The following PDE1C variants were observed in gnomAD, a reference collection of about 807,000 sequenced individuals.
PDE1C encodes the protein phosphodiesterase 1C.
Under a neutral mutation model 93.1 loss-of-function variants are expected in PDE1C, and 62 were observed. That is an observed-to-expected ratio of 0.67 (90% confidence interval 0.54 to 0.82). The LOEUF (loss-of-function observed/expected upper bound fraction) is 0.82, where lower values mean the gene tolerates loss of function less well. PDE1C is among the 40% of genes least tolerant of loss of function. PDE1C has a pLI of 0.00. For synonymous variants in PDE1C, 325 were observed against 310.1 expected (o/e 1.05, Z -0.50); for missense variants, 742 against 884.6 (o/e 0.84, Z 2.04).
At chr7:31,778,205 C>T (rs1401326735) in intron 16 of PDE1C, among the ~76,000 whole-genome samples, 3 of 152,202 alleles carry the variant, frequency 2.0e-5, no homozygotes, top group African/African-American at 7.2e-5. Context: ...TGCACAACCC[C>T]AGTGGATGCC....
At chr7:32,077,423 ATTATC>A (rs1796415828) in intron 3 of PDE1C, among the ~76,000 whole-genome samples, 1 of 152,198 alleles carries the variant, frequency 6.6e-6, no homozygotes, top group South Asian at 2.1e-4. Flanking sequence ...AAAAGCCTGT[ATTATC>A]TTGATAAATA....
At chr7:31,841,227 C>CTCTCTCTATATA (rs751320538) in intron 9 of PDE1C, among the ~76,000 whole-genome samples, 7,986 of 142,108 alleles carry the variant, frequency 0.056, 246 homozygotes, top group Admixed American at 0.068. Context: ...CTCTCTCTCT[C>CTCTCTCTATATA]TATATATATA....
chr7:31,929,020 G>T (rs1266645283), intron 2 of PDE1C, among the ~76,000 whole-genome samples: 3 of 151,988 alleles, frequency 2.0e-5, no homozygotes, highest in African/African-American at 7.3e-5. Flanking sequence ...ACCCATTGGT[G>T]TGCTGTATTC....
At chr7:31,805,774 C>G (rs1250629749) in intron 16 of PDE1C, among the ~76,000 whole-genome samples, 3 of 151,876 alleles carry the variant, frequency 2.0e-5, no homozygotes, top group Non-Finnish European at 4.4e-5. Flanking sequence ...TATCCAACTT[C>G]TTAACTCAGA....
chr7:31,893,338 A>G, intron 2 of PDE1C: 1 of 210,380 alleles, frequency 4.8e-6, no homozygotes, highest in Non-Finnish European at 8.3e-6. Context: ...GGATAAGGGG[A>G]GGGATCTGAA....
At chr7:31,893,402 G>A (rs1179334070) in intron 2 of PDE1C, 13 of 765,030 alleles carry the variant, frequency 1.7e-5, no homozygotes, top group African/African-American at 1.9e-5. Context: ...ATAACTGAAC[G>A]TGTCAAAAGC....
At chr7:32,180,762 C>A (rs1057385616) in intron 2 of PDE1C, among the ~76,000 whole-genome samples, 12 of 152,184 alleles carry the variant, frequency 7.9e-5, no homozygotes, top group African/African-American at 2.7e-4. Context: ...ACATATACCT[C>A]TGGCATTTGT....
intron 2 of PDE1C, among the ~76,000 whole-genome samples, chr7:32,000,134 G>A (rs886441292): frequency 4.6e-5 from 7 of 152,142 alleles, no homozygotes; most frequent in African/African-American, 7.2e-5. Flanking sequence ...GGTGACGTCC[G>A]GCAGTATAAC....
At chr7:31,831,783 T>A (rs1562883014) in intron 11 of PDE1C, among the ~76,000 whole-genome samples, 1 of 149,322 alleles carries the variant, frequency 6.7e-6, no homozygotes, top group East Asian at 2.0e-4. Context: ...AAGAAAAAGG[T>A]GAAGAAGAAG....
the PDE1C span, chr7:31,707,603 C>T: frequency 3.8e-6 from 1 of 264,494 alleles, no homozygotes; most frequent in Non-Finnish European, 7.2e-6. Context: ...ATTCACGGAA[C>T]AGAGATCGTG....
At chr7:32,156,442 G>A (rs1254069695) in intron 3 of PDE1C, among the ~76,000 whole-genome samples, 1 of 152,220 alleles carries the variant, frequency 6.6e-6, no homozygotes, top group African/African-American at 2.4e-5. Flanking sequence ...CAGGGAATTA[G>A]ACCTGGATCT....
chr7:32,357,212 T>C (rs1231965619), intron 1 of PDE1C, among the ~76,000 whole-genome samples: 2 of 152,060 alleles, frequency 1.3e-5, no homozygotes, highest in Non-Finnish European at 2.9e-5. Flanking sequence ...CAGGTGCCTG[T>C]AGTCCCAGCT....
intron 1 of PDE1C, among the ~76,000 whole-genome samples, chr7:32,246,796 G>A (rs1377629504): frequency 6.6e-6 from 1 of 152,216 alleles, no homozygotes; most frequent in Non-Finnish European, 1.5e-5. Flanking sequence ...TTGTAAGACT[G>A]TTATGAGAAC....
In PDE1C at chr7:32,398,773, C is replaced by T. The variant is rs535379139; in HGVS notation, c.310+29049G>A. Among the ~76,000 whole-genome samples, 7 of 152,162 alleles carry T rather than the reference C, an allele frequency of 4.6e-5. No individual in the cohort carries two copies. The East Asian group carries it at 1.4e-3, about 30-fold the overall frequency. On this transcript the variant is annotated intron_variant, in intron 1 of 1. Transcript: ENST00000672256. ...TGGGGGAATAAATGACCTGATATTA[C>T]TCTCCTTCCATCCTCCATTCTTCGG...
chr7:31,656,489 T>C, the PDE1C span: 1 of 982,506 alleles, frequency 1.0e-6, no homozygotes, highest in Non-Finnish European at 1.2e-6. Context: ...AAGAACTCAA[T>C]AAATGCTAAC....
At chr7:31,763,075 T>C (rs1794933615) in intron 17 of PDE1C, among the ~76,000 whole-genome samples, 1 of 152,006 alleles carries the variant, frequency 6.6e-6, no homozygotes, top group South Asian at 2.1e-4. Context: ...AGCCCAAACA[T>C]CAGTATGTTT....
intron 1 of PDE1C, among the ~76,000 whole-genome samples, chr7:32,320,275 A>G (rs761761807): frequency 2.2e-4 from 34 of 152,148 alleles, no homozygotes; most frequent in Non-Finnish European, 4.6e-4. Flanking sequence ...AGGGTTTTCT[A>G]TCCTCTTGGT....
intron 3 of PDE1C, among the ~76,000 whole-genome samples, chr7:32,120,301 C>T (rs1000056786): frequency 3.9e-5 from 6 of 152,224 alleles, no homozygotes; most frequent in Admixed American, 1.3e-4. Flanking sequence ...TCATACTTAG[C>T]CTTTCCTCTT....
chr7:32,315,975 A>G (rs1007326511), intron 1 of PDE1C, among the ~76,000 whole-genome samples: 1 of 152,266 alleles, frequency 6.6e-6, no homozygotes, highest in African/African-American at 2.4e-5. Context: ...AGCCTGGGCA[A>G]CAAGAGCGAA....
Sources: gnomAD v4.1 joint callset for allele counts (sites outside exome capture counted in the v4.1 genomes callset) on GRCh38, gnomAD v4.1.1 for gene constraint, MANE v1.5 for transcripts, NCBI Gene and HGNC (gene_info 2026-07-23, HGNC 2026-07-21) for gene names.